Variants in SEMA4A observed in about 807,000 individuals in gnomAD.
SEMA4A encodes the protein semaphorin 4A.
SEMA4A carries 52 observed loss-of-function variants against 72.5 expected under a neutral mutation model. The ratio of observed to expected loss-of-function variants is 0.72; its 90% confidence interval spans 0.57 to 0.90. The LOEUF is 0.90. Ranked by LOEUF, SEMA4A falls within the 40% of genes least tolerant of loss-of-function variation. SEMA4A has a pLI of 0.00. For missense variants in SEMA4A, 926 were observed against 959.7 expected (o/e 0.96, Z 0.46); for synonymous variants, 369 against 393.1 (o/e 0.94, Z 0.73).
chr1:156,163,146 GA>G (rs746471964), intron 10 of SEMA4A, 52 bp downstream of exon 10: 1 of 1,593,874 alleles, frequency 6.3e-7, no homozygotes, highest in Non-Finnish European at 8.6e-7. Context: ...TAATGTGCAT[GA>G]AAAAACACCT....
chr1:156,161,500 C>T lies in SEMA4A; in HGVS notation c.965C>T (p.Ala322Val), dbSNP rs751302616. The T allele has an allele frequency of 6.2e-7, 1 of 1,614,052 alleles. No homozygotes were observed. Among genetic ancestry groups the T allele is most frequent in the Non-Finnish European group, 8.5e-7 (1 of 1,179,976 alleles). ...TCTCCCACAGCTCCCCACATCTACGCAGTCTTCACCTCCCAGTGGTGAGCA... is the reference window on the plus strand; with the variant it reads ...TCTCCCACAGCTCCCCACATCTACGTAGTCTTCACCTCCCAGTGGTGAGCA... ...ADSPTAPHIY[A>V]VFTSQWQVGG... The change falls in exon 9 of 15, where the codon GCA (alanine) becomes GTA (valine). Residue 322 changes from alanine (A) to valine (V), a missense_variant. Ala to Val is a moderately conservative substitution (Grantham distance 64, BLOSUM62 0). Transcript: ENST00000368285.
intron 7 of SEMA4A, 45 bp downstream of exon 7, chr1:156,160,604 A>G: frequency 3.3e-6 from 5 of 1,516,358 alleles, no homozygotes; most frequent in Non-Finnish European, 4.6e-6. Flanking sequence ...AGTCCTGGTG[A>G]CCTTGCTAAT....
intron 11 of SEMA4A, among the ~76,000 whole-genome samples, chr1:156,174,046 G>C (rs996283941): frequency 3.9e-5 from 6 of 152,174 alleles, no homozygotes; most frequent in African/African-American, 1.4e-4. Flanking sequence ...GGGAGGCAGA[G>C]GTTGCAATGA....
intron 10 of SEMA4A, among the ~76,000 whole-genome samples, chr1:156,172,428 A>G (rs1654893186): frequency 6.6e-6 from 1 of 152,154 alleles, no homozygotes; most frequent in Admixed American, 6.5e-5. Flanking sequence ...AAAACTTGGT[A>G]CTTGCCTATA....
At chr1:156,164,551 G>A (rs1336109527) in intron 10 of SEMA4A, among the ~76,000 whole-genome samples, 1 of 152,108 alleles carries the variant, frequency 6.6e-6, no homozygotes, top group East Asian at 1.9e-4. Context: ...ATGCAAATCG[G>A]CTTTCTAACC....
Position 156,176,841 on chromosome 1 carries a change from C to A in SEMA4A, c.2130C>A (p.Leu710=). The A allele has an allele frequency of 6.2e-7, 1 of 1,614,222 alleles. No homozygotes were observed. Among genetic ancestry groups the A allele is most frequent in the Non-Finnish European group, 8.5e-7 (1 of 1,180,014 alleles). The change falls in exon 15 of 15, where the codon CTC becomes CTA. Residue 710 remains leucine (L), a synonymous_variant. Coordinates refer to ENST00000368285, the MANE Select transcript of SEMA4A (RefSeq NM_022367.4). ...TCGTGGCCTCCCCATTGAGAGCACT[C>A]CGGGCTCGGGGCAAGGTTCAGGGCT... ...IILVASPLRA[L]RARGKVQGCE...
Position 156,157,402 on chromosome 1 carries a change from T to C in SEMA4A, c.301-668T>C, listed in dbSNP as rs777920719. Among the ~76,000 whole-genome samples, 1 of 152,186 alleles carries C rather than the reference T, an allele frequency of 6.6e-6. No homozygotes were observed. The highest frequency in any genetic ancestry group is 1.5e-5 in the Non-Finnish European group (1 of 68,030). ...TTTCACCATGTTGGTCAGCCTGGTC[T>C]CGAACTCCCGACCTCAGGTGATCCA... On this transcript the variant is annotated intron_variant, in intron 3 of 14. Transcript: ENST00000368285. This position sits in a 1 kb window ranked among gnomAD's most constrained non-coding sequence, Gnocchi z 4.5.
intron 1 of SEMA4A, among the ~76,000 whole-genome samples, chr1:156,154,119 G>C (rs1201932263): frequency 6.6e-6 from 1 of 152,146 alleles, no homozygotes; most frequent in Non-Finnish European, 1.5e-5. Flanking sequence ...GGAGAGTAAG[G>C]TCTGAGGAAT....
intron 1 of SEMA4A, among the ~76,000 whole-genome samples, chr1:156,153,981 G>A (rs1652763812): frequency 6.6e-6 from 1 of 152,222 alleles, no homozygotes; most frequent in Non-Finnish European, 1.5e-5. Flanking sequence ...AGGCAGGCCT[G>A]AGCCTCAAAG....
intron 10 of SEMA4A, among the ~76,000 whole-genome samples, chr1:156,170,040 G>A (rs1473217395): frequency 6.6e-6 from 1 of 151,304 alleles, no homozygotes; most frequent in African/African-American, 2.4e-5. Flanking sequence ...AATTCCCTTT[G>A]GCCCAGGTGC....
chr1:156,163,047 C>T lies in SEMA4A; in HGVS notation c.1087C>T (p.Arg363Cys), dbSNP rs750520474. 12 of 1,614,062 alleles carry T rather than the reference C, an allele frequency of 7.4e-6. No individual in the cohort carries two copies. The highest frequency in any genetic ancestry group is 1.3e-5 in the African/African-American group (1 of 74,924). The change falls in exon 10 of 15, where the codon CGC (arginine) becomes TGC (cysteine). Residue 363 changes from arginine (R) to cysteine (C), a missense_variant. Physicochemically the swap from Arg to Cys is radical, Grantham distance 180. Coordinates refer to ENST00000368285, the MANE Select transcript of SEMA4A (RefSeq NM_022367.4). ...KYKELNKETS[R>C]WTTYRGPETN... ...CAAAGAGTTGAACAAAGAAACTTCACGCTGGACTACTTATAGGGGCCCTGA... is the reference window on the plus strand; with the variant it reads ...CAAAGAGTTGAACAAAGAAACTTCATGCTGGACTACTTATAGGGGCCCTGA...
intron 2 of SEMA4A, chr1:156,156,200 G>GGCTGCCTCTC: frequency 1.7e-6 from 1 of 589,634 alleles, no homozygotes; most frequent in East Asian, 3.1e-5. Context: ...CCCTGCCTCT[G>GGCTGCCTCTC]GCTGCCTCTC....
rs1387254330 is a variant in SEMA4A at position 156,160,919 on chromosome 1, G to A, written c.700G>A (p.Val234Met). 6.2e-7 allele frequency: 1 copy of A among 1,613,684 alleles called. No individual in the cohort carries two copies. Among genetic ancestry groups the A allele is most frequent in the Non-Finnish European group, 8.5e-7 (1 of 1,179,910 alleles). ...CTCCCCCGCAGATGACGCCTCCTTT[G>A]TGGCAGCCATCCCTTCGACCCAGGT... is the stretch of plus-strand genomic sequence containing the variant. ...LRWLHHDASF[V>M]AAIPSTQVVY... Residue 234 changes from valine (V) to methionine (M), a missense_variant, in exon 8 of 15, where the codon GTG becomes ATG. Transcript: ENST00000368285.
At chr1:156,160,800 A>C in intron 7 of SEMA4A, 105 bp from the exon 8 acceptor site, 1 of 1,535,196 alleles carries the variant, frequency 6.5e-7, no homozygotes, top group Non-Finnish European at 9.0e-7. Flanking sequence ...GACCCGAGGA[A>C]GCCTGTGTGT....
At chr1:156,172,009 C>T (rs1408681755) in intron 10 of SEMA4A, among the ~76,000 whole-genome samples, 1 of 152,008 alleles carries the variant, frequency 6.6e-6, no homozygotes, top group African/African-American at 2.4e-5. Flanking sequence ...TGGTCTCGAT[C>T]TCCTGACTTC....
chr1:156,163,539 T>A (rs1050272230), intron 10 of SEMA4A, among the ~76,000 whole-genome samples: 1 of 151,716 alleles, frequency 6.6e-6, no homozygotes, highest in Non-Finnish European at 1.5e-5. Flanking sequence ...CTGGCTAACA[T>A]GGTGAAACCT....
rs1238156154 is a variant in SEMA4A at position 156,156,446 on chromosome 1, C to A, written c.172C>A (p.Gln58Lys). ...DERRALSFFHQKGLQDFDTLL... is the reference protein window; with the variant it reads ...DERRALSFFHKKGLQDFDTLL... ...ACGTAGGGCACTTAGCTTCTTCCAC[C>A]AGAAGGGCCTCCAGGATTTTGACAC... is the stretch of plus-strand genomic sequence containing the variant. Residue 58 changes from glutamine (Q) to lysine (K), a missense_variant, in exon 3 of 15, where the codon CAG (glutamine) becomes AAG (lysine). Coordinates refer to ENST00000368285, the MANE Select transcript of SEMA4A (RefSeq NM_022367.4). The A allele has an allele frequency of 1.2e-6, 2 of 1,614,136 alleles. No individual in the cohort carries two copies. Among genetic ancestry groups the A allele is most frequent in the South Asian group, 1.1e-5 (1 of 91,076 alleles).
rs1350703021 is a variant in SEMA4A at position 156,177,352 on chromosome 1, C to G, written c.*355C>G. ...GAGACCCTAAAAAACCTGCCTGTCC[C>G]AGGACCCTATGGTAATGAACACCAA... On this transcript the variant is annotated 3_prime_UTR_variant, in exon 15 of 15. Coordinates refer to ENST00000368285, the MANE Select transcript of SEMA4A (RefSeq NM_022367.4). The G allele has an allele frequency of 2.6e-6, 1 of 391,752 alleles. No homozygotes were observed. The highest frequency in any genetic ancestry group is 5.7e-5 in the East Asian group (1 of 17,472). The allele number at this position is 391,752 out of a possible 1,614,324, so 24.3% of individuals were successfully genotyped here. A position where few individuals can be genotyped will look rare whatever the true frequency, so the allele number is the denominator to read the frequency against.
chr1:156,153,566 T>G (rs1652723835), upstream of SEMA4A: 1 of 152,336 alleles, frequency 6.6e-6, no homozygotes, highest in Non-Finnish European at 1.5e-5. Flanking sequence ...AATTCCGGTT[T>G]CCCTGGCCTA....
Sources: allele counts gnomAD v4.1 joint callset (sites outside exome capture counted in the v4.1 genomes callset), GRCh38; gene constraint gnomAD v4.1.1; non-coding constraint Gnocchi (gnomAD v3.1); transcripts MANE v1.5; gene names NCBI Gene and HGNC (gene_info 2026-07-23, HGNC 2026-07-21).